NSG2: variants seen among roughly 807,000 people sequenced by gnomAD.
The protein encoded by NSG2 is neuronal vesicle trafficking associated 2.
In NSG2, 4 loss-of-function variants were observed where a neutral mutation model predicts 16.9. The observed-to-expected ratio is 0.24, with a 90% CI of 0.12 to 0.54. NSG2 has a LOEUF of 0.54. Ranked by LOEUF, NSG2 falls within the 20% of genes least tolerant of loss-of-function variation. The probability of loss-of-function intolerance (pLI) is 0.95; values close to 1 mark genes in which losing one functional copy is unlikely to be tolerated. For missense variants in NSG2, 179 were observed against 221.1 expected (o/e 0.81, Z 1.21); for synonymous variants, 98 against 88.7 (o/e 1.11, Z -0.59).
At chr5:174,054,350 G>T (rs1030662659) in intron 2 of NSG2, among the ~76,000 whole-genome samples, 15 of 152,152 alleles carry the variant, frequency 9.9e-5, no homozygotes, top group Non-Finnish European at 1.5e-4. Context: ...ATCTTTTTTT[G>T]TTTTTAACCA....
chr5:174,094,035 C>T (rs940302812), intron 3 of NSG2, among the ~76,000 whole-genome samples: 5 of 152,168 alleles, frequency 3.3e-5, no homozygotes, highest in African/African-American at 7.2e-5. Context: ...TATCTTGCTT[C>T]GTTGCACTAT....
At chr5:174,069,455 G>C (rs1760198967) in intron 3 of NSG2, among the ~76,000 whole-genome samples, 2 of 152,144 alleles carry the variant, frequency 1.3e-5, no homozygotes, top group Admixed American at 6.5e-5. Context: ...CTGGGCTTGA[G>C]ACTAGGCTCG....
intron 3 of NSG2, chr5:174,084,005 C>T (rs1193364044): frequency 6.6e-6 from 1 of 152,150 alleles, no homozygotes; most frequent in African/African-American, 2.4e-5. Flanking sequence ...TGAATATTAT[C>T]GCCGACCCAT....
rs150484459 is a variant in NSG2, at chr5:174,098,523, C to T, written c.214-5705C>T. ...TCCTCTTCCTTGTAGGATCTCTGGG[C>T]GTCCTAGAATGCTGCAATGCTCTGG... On this transcript the variant is annotated intron_variant, in intron 3 of 4. Transcript: ENST00000303177. 3.2e-4 allele frequency among the ~76,000 whole-genome samples: 48 copies of T among 152,260 alleles called. 1 individual carries two copies. The highest frequency in any genetic ancestry group is 8.5e-4 in the Admixed American group (13 of 15,304).
At chr5:174,097,596 T>A in intron 3 of NSG2, among the ~76,000 whole-genome samples, 1 of 149,678 alleles carries the variant, frequency 6.7e-6, no homozygotes, top group Non-Finnish European at 1.5e-5. Flanking sequence ...TGTGTGTAAC[T>A]GTGTGTGTGT....
rs1321111684 is a variant in NSG2, at chr5:174,072,812, C to T, written c.213+8497C>T. On this transcript the variant is annotated intron_variant, in intron 3 of 4. Transcript: ENST00000303177. This position sits in a 1 kb window ranked among gnomAD's most constrained non-coding sequence, Gnocchi z 4.0. Reference sequence around the variant, plus strand: ...CAGCCTGGGCAACATGGCAAAACCCCATCTCTACAAAAAATGCAAAAAATT... The same window carrying T: ...CAGCCTGGGCAACATGGCAAAACCCTATCTCTACAAAAAATGCAAAAAATT... Among the ~76,000 whole-genome samples the T allele has an allele frequency of 1.3e-5, 2 of 152,160 alleles. No homozygotes were observed. The highest frequency in any genetic ancestry group is 2.9e-5 in the Non-Finnish European group (2 of 68,034).
intron 3 of NSG2, among the ~76,000 whole-genome samples, chr5:174,097,463 G>A (rs548980713): frequency 2.1e-3 from 313 of 151,282 alleles, no homozygotes; most frequent in African/African-American, 7.3e-3. Context: ...GGGGGAGGCT[G>A]TGTGTGTGTA....
rs200033983 is a variant in NSG2, at chr5:174,064,276, C to G, written c.174C>G (p.Asn58Lys). Residue 58 changes from asparagine to lysine, a missense_variant, in exon 3 of 5, where the codon AAC (asparagine) becomes AAG (lysine). Asn to Lys is a moderately conservative substitution (Grantham distance 94, BLOSUM62 0). Coordinates refer to ENST00000303177, the MANE Select transcript of NSG2 (RefSeq NM_015980.5). ...TRTEYQPEQK[N>K]KGKFRVPKIA... ...CGGAATATCAGCCGGAACAGAAGAA[C>G]AAAGGGAAGTTCCGGGTGCCGAAAA... 6.2e-7 allele frequency: 1 copy of G among 1,611,652 alleles called. No individual in the cohort carries two copies. Among genetic ancestry groups the G allele is most frequent in the Non-Finnish European group, 8.5e-7 (1 of 1,178,508 alleles).
chr5:174,055,952 G>C (rs950957716), intron 2 of NSG2: 2 of 152,258 alleles, frequency 1.3e-5, no homozygotes, highest in African/African-American at 4.8e-5. Context: ...TCAAGGCCCA[G>C]GAAAAAACTT....
At chr5:174,078,970 C>G (rs182278315) in intron 3 of NSG2, among the ~76,000 whole-genome samples, 3 of 152,280 alleles carry the variant, frequency 2.0e-5, no homozygotes, top group Admixed American at 1.3e-4. Flanking sequence ...CACACGCACA[C>G]CCCTTTCATA....
chr5:174,104,478 G>A, intron 4 of NSG2, 140 bp downstream of exon 4: 1 of 641,974 alleles, frequency 1.6e-6, no homozygotes, highest in Non-Finnish European at 2.7e-6. Context: ...TGTTTGGCAA[G>A]GAGTTTCCAA....
At chr5:174,069,074 A>G (rs1366847915) in intron 3 of NSG2, among the ~76,000 whole-genome samples, 2 of 139,388 alleles carry the variant, frequency 1.4e-5, no homozygotes, top group African/African-American at 2.7e-5. Flanking sequence ...TGTTGGTGCT[A>G]TGGAGGTGAT....
intron 3 of NSG2, among the ~76,000 whole-genome samples, chr5:174,085,259 T>C (rs911924373): frequency 1.6e-4 from 24 of 152,244 alleles, no homozygotes; most frequent in African/African-American, 5.5e-4. Context: ...GTAGGTGTTA[T>C]GATTCAGATA....
Position 174,088,823 on chromosome 5 carries a change from G to A in NSG2, c.214-15405G>A, listed in dbSNP as rs529948189. Among the ~76,000 whole-genome samples, 4 of 152,310 alleles carry A rather than the reference G, an allele frequency of 2.6e-5. No individual in the cohort carries two copies. In the South Asian group the frequency reaches 8.3e-4, roughly 32 times the overall value. On this transcript the variant is annotated intron_variant, in intron 3 of 4. Coordinates refer to ENST00000303177, the MANE Select transcript of NSG2 (RefSeq NM_015980.5). ...TAATAAGAGACCCAGAAAGTGATGG[G>A]TGGGAATCTCAGCAAGGGTGTTTCT... is the stretch of plus-strand genomic sequence containing the variant.
intron 3 of NSG2, among the ~76,000 whole-genome samples, chr5:174,097,906 C>G (rs865870314): frequency 1.2e-4 from 18 of 151,742 alleles, no homozygotes; most frequent in African/African-American, 4.1e-4. Context: ...TAATTCAACT[C>G]AACACTGCAG....
chr5:174,051,114 C>T (rs908912539), intron 2 of NSG2, among the ~76,000 whole-genome samples: 4 of 152,178 alleles, frequency 2.6e-5, no homozygotes, highest in African/African-American at 9.7e-5. Flanking sequence ...TTCTCTCTCC[C>T]TGGGGGGCAG....
chr5:174,068,782 CCTGGTGCTATGGAAGGTG>C (rs1444334339), intron 3 of NSG2, among the ~76,000 whole-genome samples: 3 of 88,424 alleles, frequency 3.4e-5, no homozygotes, highest in African/African-American at 1.4e-4. Context: ...TCATGGGAAT[CCTGGTGCTATGGAAGGTG>C]CTGGTGCTGT....
At chr5:174,099,356 C>G (rs1169474762) in intron 3 of NSG2, among the ~76,000 whole-genome samples, 2 of 152,170 alleles carry the variant, frequency 1.3e-5, no homozygotes, top group Admixed American at 1.3e-4. Flanking sequence ...GCTGTGCTCA[C>G]CTCTTATGCC....
intron 3 of NSG2, among the ~76,000 whole-genome samples, chr5:174,067,864 CTT>C (rs1174197104): frequency 1.3e-5 from 2 of 152,000 alleles, no homozygotes; most frequent in African/African-American, 4.8e-5. Flanking sequence ...TTGGGGGACT[CTT>C]TGGTGTTTGG....
Sources: gnomAD v4.1 joint callset for allele counts (sites outside exome capture counted in the v4.1 genomes callset) on GRCh38, gnomAD v4.1.1 for gene constraint, Gnocchi (gnomAD v3.1) non-coding constraint, MANE v1.5 for transcripts, NCBI Gene and HGNC (gene_info 2026-07-23, HGNC 2026-07-21) for gene names.